The following MOGAT1 variants were observed in gnomAD, a reference collection of about 807,000 sequenced individuals.
MOGAT1 encodes 2-acylglycerol O-acyltransferase 1.
A neutral mutation model predicts 31.4 loss-of-function variants in MOGAT1; 32 were observed. The ratio of observed to expected loss-of-function variants is 1.02; its 90% confidence interval spans 0.77 to 1.37. MOGAT1 has a LOEUF of 1.37. MOGAT1 is among the 40% of genes most tolerant of loss of function. The probability of loss-of-function intolerance (pLI) is 0.00; values close to 1 mark genes in which losing one functional copy is unlikely to be tolerated. For missense variants in MOGAT1, 426 were observed against 402.0 expected (o/e 1.06, Z -0.51); for synonymous variants, 145 against 144.5 (o/e 1.00, Z -0.03).
chr2:222,685,556 C>T (rs1369114689), intron 1 of MOGAT1, among the ~76,000 whole-genome samples: 4 of 150,304 alleles, frequency 2.7e-5, no homozygotes, highest in East Asian at 2.0e-4. Context: ...AAAAAATAGA[C>T]GTTATCTAGT....
At chr2:222,682,196 T>C (rs971529539) in intron 1 of MOGAT1, among the ~76,000 whole-genome samples, 1 of 152,298 alleles carries the variant, frequency 6.6e-6, no homozygotes, top group South Asian at 2.1e-4. Flanking sequence ...AACTAAATTG[T>C]AAACATCATA....
intron 1 of MOGAT1, among the ~76,000 whole-genome samples, chr2:222,672,493 G>A (rs992077928): frequency 4.6e-5 from 7 of 152,176 alleles, no homozygotes; most frequent in African/African-American, 1.7e-4. Flanking sequence ...TGGTTCCCAA[G>A]TTGAGCCCAT....
intron 5 of MOGAT1, among the ~76,000 whole-genome samples, chr2:222,699,787 C>T (rs372559427): frequency 7.4e-4 from 112 of 152,154 alleles, no homozygotes; most frequent in African/African-American, 2.5e-3. Flanking sequence ...CGTGAGCCAC[C>T]GCGCCCAGCT....
intron 1 of MOGAT1, among the ~76,000 whole-genome samples, chr2:222,681,305 G>A (rs1045955093): frequency 5.9e-5 from 9 of 152,090 alleles, no homozygotes; most frequent in Admixed American, 1.3e-4. Flanking sequence ...TCTTTCTGAC[G>A]GCTACAAATT....
rs769292621 is a variant in MOGAT1, at chr2:222,694,413, G to C, written c.530G>C (p.Gly177Ala). 1 of 1,613,686 alleles carries C rather than the reference G, an allele frequency of 6.2e-7. No individual in the cohort carries two copies. The highest frequency in any genetic ancestry group is 1.1e-5 in the South Asian group (1 of 91,042). Residue 177 changes from glycine (G) to alanine (A), a missense_variant, in exon 4 of 6, where the codon GGA (glycine) becomes GCA (alanine). Gly to Ala is a moderately conservative substitution (Grantham distance 60, BLOSUM62 0). Transcript: ENST00000446656. ...KSVSYMVSKE[G>A]GGNISVIVLG... ...GTGTCCTACATGGTAAGCAAGGAGGGAGGTGGAAACATCTCTGTCATTGTC... is the reference window on the plus strand; with the variant it reads ...GTGTCCTACATGGTAAGCAAGGAGGCAGGTGGAAACATCTCTGTCATTGTC...
intron 3 of MOGAT1, 34 bp from the exon 4 acceptor site, chr2:222,694,328 G>T: frequency 6.5e-7 from 1 of 1,535,638 alleles, no homozygotes; most frequent in East Asian, 2.3e-5. Context: ...TGTTAGAAAA[G>T]GATAACTAGT....
intron 5 of MOGAT1, among the ~76,000 whole-genome samples, chr2:222,702,314 A>G: frequency 6.6e-6 from 1 of 152,222 alleles, no homozygotes; most frequent in Non-Finnish European, 1.5e-5. Flanking sequence ...TGACTGATAA[A>G]GTTTGAATTT....
rs116446689 is a variant in MOGAT1 at position 222,682,366 on chromosome 2, C to G, written c.95-5978C>G. On this transcript the variant is annotated intron_variant, in intron 1 of 5. Coordinates refer to ENST00000446656, the MANE Select transcript of MOGAT1 (RefSeq NM_058165.3). ...ATTTCCCTCATCGTCTTCAACTTTTCCTTTATAAGTAGACCAGTTCCTCTA... is the reference window on the plus strand; with the variant it reads ...ATTTCCCTCATCGTCTTCAACTTTTGCTTTATAAGTAGACCAGTTCCTCTA... Among the ~76,000 whole-genome samples, 733 of 152,280 alleles carry G rather than the reference C, an allele frequency of 4.8e-3. 8 individuals carry two copies. The highest frequency in any genetic ancestry group is 0.017 in the African/African-American group (691 of 41,554).
chr2:222,687,113 C>CAAAAAAAA (rs1177781176), intron 1 of MOGAT1, among the ~76,000 whole-genome samples: 8 of 22,440 alleles, frequency 3.6e-4, no homozygotes, highest in Middle Eastern at 0.026. Context: ...GACTCCATCT[C>CAAAAAAAA]AAAAAAAAAA....
At chr2:222,675,220 T>C (rs1239268059) in intron 1 of MOGAT1, among the ~76,000 whole-genome samples, 2 of 152,242 alleles carry the variant, frequency 1.3e-5, no homozygotes, top group Non-Finnish European at 2.9e-5. Flanking sequence ...TAGAGCTAAA[T>C]GCTTGATTAG....
intron 1 of MOGAT1, among the ~76,000 whole-genome samples, chr2:222,676,636 C>T (rs948519399): frequency 6.6e-6 from 1 of 152,158 alleles, no homozygotes; most frequent in Non-Finnish European, 1.5e-5. Context: ...ATGACAGTTG[C>T]AGGTTTAACT....
chr2:222,706,177 A>T (rs181342957), intron 5 of MOGAT1, among the ~76,000 whole-genome samples: 17 of 152,350 alleles, frequency 1.1e-4, no homozygotes, highest in Middle Eastern at 3.4e-3. Flanking sequence ...TCTTATGATT[A>T]TAAATTCACT....
intron 1 of MOGAT1, among the ~76,000 whole-genome samples, chr2:222,684,735 C>G (rs1228377196): frequency 6.6e-5 from 10 of 152,134 alleles, no homozygotes; most frequent in African/African-American, 2.2e-4. Context: ...TGCCACCACG[C>G]CCAGCTAATT....
intron 1 of MOGAT1, among the ~76,000 whole-genome samples, chr2:222,673,143 T>G (rs1445787143): frequency 6.6e-6 from 1 of 151,466 alleles, no homozygotes; most frequent in East Asian, 1.9e-4. Context: ...GAACTCCCAA[T>G]CTCAGGTGAT....
intron 1 of MOGAT1, among the ~76,000 whole-genome samples, chr2:222,681,648 C>T (rs1251560054): frequency 2.6e-5 from 4 of 152,238 alleles, no homozygotes; most frequent in East Asian, 1.9e-4. Context: ...CTCTCCCTGA[C>T]GATGGGGGTG....
intron 1 of MOGAT1, among the ~76,000 whole-genome samples, chr2:222,675,029 A>T (rs1191419054): frequency 1.3e-5 from 2 of 152,172 alleles, no homozygotes; most frequent in Non-Finnish European, 2.9e-5. Context: ...CCCATGCATT[A>T]TATTTGGTTT....
intron 1 of MOGAT1, among the ~76,000 whole-genome samples, chr2:222,682,219 TAAA>T: frequency 6.6e-6 from 1 of 152,216 alleles, no homozygotes; most frequent in East Asian, 1.9e-4. Flanking sequence ...ACTTCATCTC[TAAA>T]TACTGTAGCA....
intron 3 of MOGAT1, among the ~76,000 whole-genome samples, chr2:222,691,342 G>A (rs1394629556): frequency 6.6e-6 from 1 of 151,934 alleles, no homozygotes; most frequent in Non-Finnish European, 1.5e-5. Context: ...CAAGCAGCTG[G>A]GATTACAGGC....
rs201976042 is a variant in MOGAT1 at position 222,709,773 on chromosome 2, G to C, written c.891G>C (p.Pro297=). ...TCCCTGTTCGTCAGACTCTGAACCCGACCCAGGAGCAGATTGAGGAGTTAC... is the reference window on the plus strand; with the variant it reads ...TCCCTGTTCGTCAGACTCTGAACCCCACCCAGGAGCAGATTGAGGAGTTAC... ...RPIPVRQTLN[P]TQEQIEELHQ... The change falls in exon 6 of 6, where the codon CCG becomes CCC. Residue 297 remains proline, a synonymous_variant. Transcript: ENST00000446656. The C allele has an allele frequency of 5.0e-6, 8 of 1,613,162 alleles. No individual in the cohort carries two copies. In the African/African-American group the frequency reaches 6.7e-5, roughly 13 times the overall value.
Sources: allele counts gnomAD v4.1 joint callset (sites outside exome capture counted in the v4.1 genomes callset), GRCh38; gene constraint gnomAD v4.1.1; transcripts MANE v1.5; gene names NCBI Gene and HGNC (gene_info 2026-07-23, HGNC 2026-07-21).